MBD5: variants seen among roughly 807,000 people sequenced by gnomAD.
The protein encoded by MBD5 is methyl-CpG-binding domain protein 5.
A neutral mutation model predicts 117.3 loss-of-function variants in MBD5; 13 were observed. The ratio of observed to expected loss-of-function variants is 0.11; its 90% CI spans 0.07 to 0.18. The LOEUF (loss-of-function observed/expected upper bound fraction) is 0.18. MBD5 is among the 10% of genes least tolerant of loss of function. The pLI, the probability that MBD5 is intolerant of heterozygous loss-of-function variation, is 1.00. For synonymous variants in MBD5, 727 were observed against 766.4 expected (o/e 0.95, Z 0.85); for missense variants, 1,879 against 2,093.8 (o/e 0.90, Z 2.00).
At chr2:148,093,170 G>A (rs1257592751) in intron 1 of MBD5, among the ~76,000 whole-genome samples, 2 of 152,018 alleles carry the variant, frequency 1.3e-5, no homozygotes, top group Admixed American at 6.6e-5. Context: ...CTTGGCCTCC[G>A]AAAGTGTTAG....
At chr2:148,051,867 G>C (rs1409523747) in intron 1 of MBD5, among the ~76,000 whole-genome samples, 1 of 151,968 alleles carries the variant, frequency 6.6e-6, no homozygotes, top group African/African-American at 2.4e-5. Flanking sequence ...TGGTCTTACA[G>C]TATGAGTTAA....
At chr2:148,312,269 A>G (rs1443661731) in intron 3 of MBD5, among the ~76,000 whole-genome samples, 1 of 152,278 alleles carries the variant, frequency 6.6e-6, no homozygotes, top group Non-Finnish European at 1.5e-5. Flanking sequence ...CGTTCTTCCC[A>G]TCACTTTCAG....
At chr2:148,177,935 C>A (rs997433797) in intron 1 of MBD5, among the ~76,000 whole-genome samples, 9 of 152,164 alleles carry the variant, frequency 5.9e-5, no homozygotes, top group African/African-American at 2.2e-4. Flanking sequence ...AAAGGAGGAT[C>A]TCTTGAGCTC....
chr2:148,072,509 T>C (rs1218927107), intron 1 of MBD5, among the ~76,000 whole-genome samples: 1 of 152,228 alleles, frequency 6.6e-6, no homozygotes, highest in African/African-American at 2.4e-5. Context: ...TTGTGAATTA[T>C]TTAAGCTTAG....
At chr2:148,498,313 C>T (rs1469556244) in intron 11 of MBD5, among the ~76,000 whole-genome samples, 1 of 152,178 alleles carries the variant, frequency 6.6e-6, no homozygotes, top group Non-Finnish European at 1.5e-5. Flanking sequence ...CTCCGGTTAA[C>T]CAGCTCTATT....
intron 4 of MBD5, among the ~76,000 whole-genome samples, chr2:148,427,548 C>T (rs1489480161): frequency 6.6e-6 from 1 of 151,874 alleles, no homozygotes; most frequent in African/African-American, 2.4e-5. Flanking sequence ...GACAAAAAAC[C>T]AAACACTGCA....
chr2:148,266,005 G>T (rs991767300), intron 3 of MBD5, among the ~76,000 whole-genome samples: 3 of 152,116 alleles, frequency 2.0e-5, no homozygotes, highest in African/African-American at 4.8e-5. Flanking sequence ...TTAGATTGGG[G>T]TGGAGAGAGA....
At chr2:148,266,098 AT>A (rs1410194022) in intron 3 of MBD5, among the ~76,000 whole-genome samples, 1 of 152,168 alleles carries the variant, frequency 6.6e-6, no homozygotes, top group African/African-American at 2.4e-5. Context: ...AGAAAGAAAA[AT>A]TATAGGACAG....
At chr2:148,099,498 G>A (rs1271851334) in intron 1 of MBD5, among the ~76,000 whole-genome samples, 2 of 152,086 alleles carry the variant, frequency 1.3e-5, no homozygotes, top group Non-Finnish European at 2.9e-5. Flanking sequence ...ACTTTTAATG[G>A]CAGCTCTGGA....
intron 1 of MBD5, among the ~76,000 whole-genome samples, chr2:148,120,332 C>T (rs750899056): frequency 2.6e-5 from 4 of 152,094 alleles, no homozygotes; most frequent in Admixed American, 2.0e-4. Context: ...TGCAAAATCG[C>T]CAGCTTGAGT....
intron 1 of MBD5, chr2:148,071,335 T>C (rs1015629998): frequency 6.6e-6 from 1 of 151,460 alleles, no homozygotes; most frequent in Non-Finnish European, 1.5e-5. Flanking sequence ...TGTGTAGATA[T>C]GGGTTTATGT....
At chr2:148,144,739 T>C (rs1282651528) in intron 1 of MBD5, among the ~76,000 whole-genome samples, 5 of 152,234 alleles carry the variant, frequency 3.3e-5, no homozygotes, top group Admixed American at 3.3e-4. Flanking sequence ...GTCAGGTTTT[T>C]CAAAGATTAG....
chr2:148,200,239 T>C (rs1699102015), intron 2 of MBD5, among the ~76,000 whole-genome samples: 1 of 151,730 alleles, frequency 6.6e-6, no homozygotes, highest in Non-Finnish European at 1.5e-5. Flanking sequence ...TACATATTTA[T>C]TGTCTGCCCA....
intron 3 of MBD5, among the ~76,000 whole-genome samples, chr2:148,335,944 C>CAA (rs1236553847): frequency 6.6e-6 from 1 of 152,118 alleles, no homozygotes; most frequent in East Asian, 1.9e-4. Context: ...AAGTCGAATT[C>CAA]AAATTCAAGA....
At chr2:148,254,330 T>G (rs780414475) in intron 3 of MBD5, among the ~76,000 whole-genome samples, 1 of 152,212 alleles carries the variant, frequency 6.6e-6, no homozygotes, top group Non-Finnish European at 1.5e-5. Context: ...TAAGGCCATT[T>G]AGTTTTGCAA....
chr2:148,054,597 G>A (rs1324854187), intron 1 of MBD5: 7 of 152,122 alleles, frequency 4.6e-5, no homozygotes, highest in Non-Finnish European at 7.3e-5. Flanking sequence ...GCAACTTCAC[G>A]TTGCTGCAAC....
At chr2:148,368,671 T>G (rs1366975751) in intron 4 of MBD5, among the ~76,000 whole-genome samples, 1 of 152,010 alleles carries the variant, frequency 6.6e-6, no homozygotes, top group Non-Finnish European at 1.5e-5. Flanking sequence ...AGATAAATAA[T>G]GATAATAATG....
intron 4 of MBD5, among the ~76,000 whole-genome samples, chr2:148,364,353 A>G (rs1293373760): frequency 2.0e-5 from 3 of 152,234 alleles, no homozygotes; most frequent in Non-Finnish European, 4.4e-5. Flanking sequence ...AGCCCTAAAT[A>G]TGGAAAAGGA....
At chr2:148,032,118 C>T (rs1055352402) in intron 1 of MBD5, among the ~76,000 whole-genome samples, 80 of 152,004 alleles carry the variant, frequency 5.3e-4, no homozygotes, top group Non-Finnish European at 6.6e-4. Flanking sequence ...TTTCTTTAAA[C>T]GGTGGTTATT....
Sources: gnomAD v4.1 joint callset for allele counts (sites outside exome capture counted in the v4.1 genomes callset) on GRCh38, gnomAD v4.1.1 for gene constraint, MANE v1.5 for transcripts, NCBI Gene and HGNC (gene_info 2026-07-23, HGNC 2026-07-21) for gene names.